KDM5A: variants seen among roughly 807,000 people sequenced by gnomAD.
KDM5A encodes lysine demethylase 5A.
A neutral mutation model predicts 193.5 loss-of-function variants in KDM5A; 42 were observed. The observed-to-expected ratio is 0.22, with a 90% CI of 0.17 to 0.28. The LOEUF (loss-of-function observed/expected upper bound fraction) is 0.28, where lower values mean the gene tolerates loss of function less well. KDM5A is among the 10% of genes least tolerant of loss of function. The probability of loss-of-function intolerance (pLI) is 1.00; values close to 1 mark genes in which losing one functional copy is unlikely to be tolerated. For missense variants in KDM5A, 1,692 were observed against 2,055.1 expected (o/e 0.82, Z 3.42); for synonymous variants, 796 against 718.1 (o/e 1.11, Z -1.73).
At position 318,260 on chromosome 12, in the gene KDM5A, G is replaced by A; in HGVS notation, c.2743C>T (p.Gln915Ter). ...TTCATGACATCCAAAGTGACTTGTT[G>A]CGGATCTGATAAGGTCAGTCTTACT... ...DEVRLTLSDPQQVTLDVMKKL... is the reference protein window; with the variant it reads ...DEVRLTLSDP The change falls in exon 19 of 28, where the codon CAA (glutamine) becomes TAA (stop). Residue 915 changes from glutamine (Q) to a stop codon, truncating the protein, a stop_gained. Coordinates refer to ENST00000399788, the MANE Select transcript of KDM5A (RefSeq NM_001042603.3). LOFTEE classifies it high-confidence loss of function. The A allele has an allele frequency of 6.2e-7, 1 of 1,614,158 alleles. No individual in the cohort carries two copies. Among genetic ancestry groups the A allele is most frequent in the Non-Finnish European group, 8.5e-7 (1 of 1,180,030 alleles).
chr12:342,725 G>T (rs575892199), intron 10 of KDM5A, among the ~76,000 whole-genome samples: 1 of 151,224 alleles, frequency 6.6e-6, no homozygotes, highest in South Asian at 2.1e-4. Context: ...GCCTCCCAAA[G>T]GGCTCGAATT....
chr12:280,371 T>C lies in KDM5A; in HGVS notation c.*5085A>G, dbSNP rs148012469. ...GGTCCAACACAATTTTTTTTTTTAA[T>C]GGACTTGCCACCTTAAGAAACTTCA... On this transcript the variant is annotated 3_prime_UTR_variant, in exon 28 of 28. Transcript: ENST00000399788. The C allele has an allele frequency of 7.5e-3, 1,746 of 232,920 alleles. 23 individuals carry two copies. Among genetic ancestry groups the C allele is most frequent in the African/African-American group, 0.035 (1,600 of 45,366 alleles). 14.4% of individuals were successfully genotyped at this position (232,920 alleles called of 1,614,324 possible). A position where few individuals can be genotyped will look rare whatever the true frequency, so the allele number is the denominator to read the frequency against.
intron 10 of KDM5A, among the ~76,000 whole-genome samples, chr12:340,506 C>G (rs11613626): frequency 6.6e-6 from 1 of 151,890 alleles, no homozygotes; most frequent in Admixed American, 6.5e-5. Flanking sequence ...CCAGCCTGGC[C>G]AACATGGTGA....
At chr12:313,383 GTATAAACATA>G (rs1193312558) in intron 19 of KDM5A, among the ~76,000 whole-genome samples, 189 bp from the exon 20 acceptor site, 2 of 152,090 alleles carry the variant, frequency 1.3e-5, no homozygotes, top group Non-Finnish European at 2.9e-5. Flanking sequence ...ATAAGAAAAG[GTATAAACATA>G]AGTTTATAAT....
intron 3 of KDM5A, among the ~76,000 whole-genome samples, chr12:367,755 G>C (rs1189522101): frequency 6.6e-6 from 1 of 151,852 alleles, no homozygotes; most frequent in African/African-American, 2.4e-5. Context: ...CCAGCTACCT[G>C]GGAGGCCAAG....
At chr12:290,933 A>G (rs1286224885) in intron 27 of KDM5A, among the ~76,000 whole-genome samples, 2 of 152,188 alleles carry the variant, frequency 1.3e-5, no homozygotes, top group African/African-American at 4.8e-5. Flanking sequence ...CCTTGCTGCT[A>G]GTCTTTAAAC....
At chr12:358,208 T>C (rs183776464) in intron 5 of KDM5A, among the ~76,000 whole-genome samples, 2 of 152,308 alleles carry the variant, frequency 1.3e-5, no homozygotes, top group South Asian at 2.1e-4. Flanking sequence ...TATAGACTAA[T>C]AGCCAAAATT....
At chr12:371,642 G>A (rs1944429384) in intron 3 of KDM5A, among the ~76,000 whole-genome samples, 1 of 152,120 alleles carries the variant, frequency 6.6e-6, no homozygotes, top group South Asian at 2.1e-4. Context: ...GGCTTTTGTT[G>A]CCATTGCTTT....
chr12:335,180 A>C (rs922352283), intron 10 of KDM5A, among the ~76,000 whole-genome samples: 1 of 152,250 alleles, frequency 6.6e-6, no homozygotes, highest in Non-Finnish European at 1.5e-5. Context: ...AACAGAGTGG[A>C]AGCAAGCCAT....
Position 295,786 on chromosome 12 carries a change from G to T in KDM5A, c.4242C>A (p.Ser1414Arg). Residue 1414 changes from serine (S) to arginine (R), a missense_variant, in exon 26 of 28, where the codon AGC becomes AGA. Coordinates refer to ENST00000399788, the MANE Select transcript of KDM5A (RefSeq NM_001042603.3). Reference protein sequence around the residue: ...SASKSCSQGSSTPRKQPRKSP... With the variant: ...SASKSCSQGSRTPRKQPRKSP... Reference sequence around the variant, plus strand: ...TCTTCCGAGGTTGTTTCCTTGGGGTGCTAGAACCTTTCCCAAAAAATACCA... The same window carrying T: ...TCTTCCGAGGTTGTTTCCTTGGGGTTCTAGAACCTTTCCCAAAAAATACCA... The T allele has an allele frequency of 6.2e-7, 1 of 1,613,892 alleles. No individual in the cohort carries two copies. The highest frequency in any genetic ancestry group is 1.1e-5 in the South Asian group (1 of 91,080).
intron 10 of KDM5A, 149 bp downstream of exon 10, chr12:350,472 C>A: frequency 4.5e-6 from 3 of 660,334 alleles, no homozygotes; most frequent in Non-Finnish European, 7.8e-6. Context: ...TCAAAGTATT[C>A]TGAATTCTTC....
intron 10 of KDM5A, among the ~76,000 whole-genome samples, chr12:350,064 G>A (rs192330437): frequency 7.2e-5 from 11 of 151,900 alleles, no homozygotes; most frequent in African/African-American, 2.4e-4. Context: ...GGAGGTGGAG[G>A]TTGCAGTGAG....
intron 10 of KDM5A, among the ~76,000 whole-genome samples, chr12:341,588 C>A (rs1944005890): frequency 6.6e-6 from 1 of 152,034 alleles, no homozygotes; most frequent in Non-Finnish European, 1.5e-5. Context: ...CTAAAAATAG[C>A]TAACACCAAA....
At chr12:342,458 G>A (rs923560814) in intron 10 of KDM5A, among the ~76,000 whole-genome samples, 2 of 151,816 alleles carry the variant, frequency 1.3e-5, no homozygotes, top group African/African-American at 4.8e-5. Context: ...CCAATAAAAT[G>A]TGTTTTTTTT....
intron 3 of KDM5A, among the ~76,000 whole-genome samples, chr12:380,914 C>A (rs1006228489): frequency 6.6e-6 from 1 of 152,010 alleles, no homozygotes; most frequent in African/African-American, 2.4e-5. Flanking sequence ...CCTACCTCAG[C>A]CTCCTGAGCA....
At chr12:295,947 T>C (rs1479926616) in intron 25 of KDM5A, 154 bp from the exon 26 acceptor site, 4 of 705,564 alleles carry the variant, frequency 5.7e-6, no homozygotes, top group African/African-American at 5.4e-5. Context: ...TAAACAGAAT[T>C]AGAAACAAAT....
intron 2 of KDM5A, among the ~76,000 whole-genome samples, chr12:384,756 T>C (rs1424952676): frequency 6.6e-6 from 1 of 152,224 alleles, no homozygotes; most frequent in African/African-American, 2.4e-5. Context: ...GAAAATTCAG[T>C]AGATCGGATT....
intron 22 of KDM5A, among the ~76,000 whole-genome samples, 159 bp from the exon 23 acceptor site, chr12:308,164 T>C (rs1591905578): frequency 6.6e-6 from 1 of 152,262 alleles, no homozygotes. Context: ...ATTCCTCAAG[T>C]GTGAAATGGG....
At chr12:312,923 A>C in intron 20 of KDM5A, 133 bp downstream of exon 20, 2 of 1,082,972 alleles carry the variant, frequency 1.8e-6, no homozygotes, top group Non-Finnish European at 2.8e-6. Flanking sequence ...ATAAAGTCTA[A>C]AAATCACAAA....
Sources: allele counts gnomAD v4.1 joint callset (sites outside exome capture counted in the v4.1 genomes callset), GRCh38; gene constraint gnomAD v4.1.1; transcripts MANE v1.5; gene names NCBI Gene and HGNC (gene_info 2026-07-23, HGNC 2026-07-21).